The following ROBO1 variants were observed in gnomAD, a reference collection of about 807,000 sequenced individuals.
ROBO1 encodes roundabout homolog 1.
A neutral mutation model predicts 195.9 loss-of-function variants in ROBO1; 149 were observed. That is an observed-to-expected ratio of 0.76 (90% CI 0.67 to 0.87). The LOEUF (loss-of-function observed/expected upper bound fraction) is 0.87. Ranked by LOEUF, ROBO1 falls within the 40% of genes least tolerant of loss-of-function variation. ROBO1 has a pLI of 0.00. For missense variants in ROBO1, 1,933 were observed against 2,068.3 expected, an observed-to-expected ratio of 0.93 and a Z score of 1.27; for synonymous variants, 816 against 733.2, an observed-to-expected ratio of 1.11 and a Z score of -1.82.
chr3:78,788,091 C>T (rs934947231), intron 4 of ROBO1, among the ~76,000 whole-genome samples: 4 of 151,484 alleles, frequency 2.6e-5, no homozygotes, highest in Middle Eastern at 3.2e-3. Flanking sequence ...AGGCGCCTGC[C>T]ACCGCGCCCG....
Position 79,215,636 on chromosome 3 carries a change from A to G in ROBO1, c.89-90097T>C, listed in dbSNP as rs368401879. On this transcript the variant is annotated intron_variant, in intron 2 of 30. Transcript: ENST00000464233. ...CAAAGGGCTGTTTGGATAATAAGAC[A>G]TACAGTCTCAGTTCATCTATTTGCA... 1.1e-4 allele frequency among the ~76,000 whole-genome samples: 17 copies of G among 152,352 alleles called. No individual in the cohort carries two copies. In the East Asian group the frequency reaches 2.3e-3, roughly 21 times the overall value.
At chr3:79,094,312 A>T (rs1001176281) in intron 3 of ROBO1, among the ~76,000 whole-genome samples, 1 of 152,142 alleles carries the variant, frequency 6.6e-6, no homozygotes, top group Non-Finnish European at 1.5e-5. Flanking sequence ...AAGATAGAAG[A>T]ATGTCTAATG....
chr3:79,228,332 G>GA (rs1323526677), intron 2 of ROBO1, among the ~76,000 whole-genome samples: 1 of 152,072 alleles, frequency 6.6e-6, no homozygotes, highest in Non-Finnish European at 1.5e-5. Flanking sequence ...ACAATTGTGG[G>GA]AAAAGATTAA....
intron 3 of ROBO1, among the ~76,000 whole-genome samples, chr3:79,089,273 C>T (rs2079432704): frequency 6.6e-6 from 1 of 152,114 alleles, no homozygotes; most frequent in African/African-American, 2.4e-5. Context: ...GAATTCCTAA[C>T]CCCAGTGGTC....
intron 18 of ROBO1, among the ~76,000 whole-genome samples, chr3:78,652,492 C>T (rs1177423158): frequency 1.3e-5 from 2 of 151,974 alleles, no homozygotes; most frequent in African/African-American, 4.8e-5. Flanking sequence ...CCGACACTAA[C>T]ATTATATTGT....
intron 1 of ROBO1, among the ~76,000 whole-genome samples, chr3:79,621,862 C>T (rs979954094): frequency 6.6e-6 from 1 of 152,134 alleles, no homozygotes; most frequent in African/African-American, 2.4e-5. Context: ...GTTGAGACTA[C>T]AAGGCAACTA....
At chr3:79,447,727 T>C (rs1029627285) in intron 2 of ROBO1, among the ~76,000 whole-genome samples, 3 of 152,174 alleles carry the variant, frequency 2.0e-5, no homozygotes, top group African/African-American at 7.2e-5. Flanking sequence ...TGTACTAATG[T>C]TATGGATACA....
intron 1 of ROBO1, among the ~76,000 whole-genome samples, chr3:79,670,797 G>T (rs1297761058): frequency 6.6e-6 from 1 of 151,802 alleles, no homozygotes; most frequent in South Asian, 2.1e-4. Context: ...AGATAAACAG[G>T]CTCTGCTAAT....
chr3:79,320,273 G>A (rs1304638074), intron 2 of ROBO1, among the ~76,000 whole-genome samples: 4 of 152,222 alleles, frequency 2.6e-5, no homozygotes, highest in African/African-American at 7.2e-5. Flanking sequence ...AAGCAGGTGC[G>A]AATCCCATCC....
intron 2 of ROBO1, among the ~76,000 whole-genome samples, chr3:79,207,153 G>A (rs983972338): frequency 1.3e-5 from 2 of 152,092 alleles, no homozygotes; most frequent in African/African-American, 2.4e-5. Context: ...GTTAAGTATA[G>A]AATCTTGGGC....
intron 2 of ROBO1, among the ~76,000 whole-genome samples, chr3:79,512,435 A>G (rs1940755724): frequency 6.6e-6 from 1 of 152,198 alleles, no homozygotes; most frequent in Admixed American, 6.5e-5. Context: ...AGGATCTTAC[A>G]TACAGTAACT....
chr3:79,377,697 G>A (rs2036432219), intron 2 of ROBO1, among the ~76,000 whole-genome samples: 1 of 152,320 alleles, frequency 6.6e-6, no homozygotes, highest in Admixed American at 6.5e-5. Flanking sequence ...AACGGAGAAA[G>A]GTGGTCATTA....
At chr3:79,053,639 T>A (rs1046384829) in intron 3 of ROBO1, among the ~76,000 whole-genome samples, 1 of 151,922 alleles carries the variant, frequency 6.6e-6, no homozygotes, top group African/African-American at 2.4e-5. Context: ...ACGCTAGTAA[T>A]CACCAGTACG....
chr3:78,715,192 C>T (rs917280679), intron 7 of ROBO1: 3 of 152,038 alleles, frequency 2.0e-5, no homozygotes, highest in African/African-American at 7.2e-5. Flanking sequence ...CATCTAAGTT[C>T]CAAATTTGGA....
rs990297879 is a variant in ROBO1, at chr3:78,837,305, T to C, written c.500-90405A>G. Among the ~76,000 whole-genome samples the C allele has an allele frequency of 1.1e-4, 16 of 152,190 alleles. No homozygotes were observed. In the East Asian group the frequency reaches 3.1e-3, roughly 29 times the overall value. On this transcript the variant is annotated intron_variant, in intron 4 of 30. Transcript: ENST00000464233. ...TGAGTTAATAGACAAATGCATGATTTAAAATTTCTCAACAGTCATGAATCT... is the reference window on the plus strand; with the variant it reads ...TGAGTTAATAGACAAATGCATGATTCAAAATTTCTCAACAGTCATGAATCT...
chr3:79,639,139 T>A (rs1259019877), intron 1 of ROBO1, among the ~76,000 whole-genome samples: 1 of 152,194 alleles, frequency 6.6e-6, no homozygotes, highest in African/African-American at 2.4e-5. Context: ...ATTGTATTAC[T>A]AATTCTATAT....
At chr3:79,491,896 G>C (rs1421101048) in intron 2 of ROBO1, among the ~76,000 whole-genome samples, 1 of 151,916 alleles carries the variant, frequency 6.6e-6, no homozygotes, top group Admixed American at 6.6e-5. Flanking sequence ...TTCAGGTGAA[G>C]AGGTAAATGG....
At chr3:78,740,768 T>C (rs1356045235) in intron 5 of ROBO1, among the ~76,000 whole-genome samples, 1 of 152,076 alleles carries the variant, frequency 6.6e-6, no homozygotes, top group Non-Finnish European at 1.5e-5. Context: ...CCACCGCGCC[T>C]GGCAAAAGGA....
At chr3:79,545,586 G>C (rs945388832) in intron 2 of ROBO1, among the ~76,000 whole-genome samples, 5 of 152,104 alleles carry the variant, frequency 3.3e-5, no homozygotes, top group Admixed American at 3.3e-4. Context: ...TAAGTCCAAT[G>C]CTTTGCAGTA....
Sources: gnomAD v4.1 joint callset for allele counts (sites outside exome capture counted in the v4.1 genomes callset) on GRCh38, gnomAD v4.1.1 for gene constraint, MANE v1.5 for transcripts, NCBI Gene and HGNC (gene_info 2026-07-23, HGNC 2026-07-21) for gene names.